The following RYR2 variants were observed in gnomAD, a reference collection of about 807,000 sequenced individuals.
RYR2 encodes the protein cardiac muscle ryanodine receptor-calcium release channel.
RYR2 carries 227 observed loss-of-function variants against 601.1 expected under a neutral mutation model. That is an observed-to-expected ratio of 0.38 (90% confidence interval 0.34 to 0.42). RYR2 has a LOEUF of 0.42. Ranked by LOEUF, RYR2 falls within the 10% of genes least tolerant of loss-of-function variation. The pLI, the probability that RYR2 is intolerant of heterozygous loss-of-function variation, is 1.00. For missense variants in RYR2, 4,646 were observed against 6,156.5 expected, an observed-to-expected ratio of 0.75 and a Z score of 8.21; for synonymous variants, 2,223 against 2,175.1, an observed-to-expected ratio of 1.02 and a Z score of -0.61.
intron 17 of RYR2, among the ~76,000 whole-genome samples, chr1:237,489,433 G>A (rs933880494): frequency 5.9e-5 from 9 of 152,146 alleles, no homozygotes; most frequent in African/African-American, 2.2e-4. Context: ...AAGGTGGGCG[G>A]ATCGCCTGAG....
At chr1:237,445,173 C>T (rs1708221099) in intron 13 of RYR2, among the ~76,000 whole-genome samples, 1 of 147,964 alleles carries the variant, frequency 6.8e-6, no homozygotes, top group Non-Finnish European at 1.5e-5. Context: ...CATAGCAAGA[C>T]CCCATCTCAA....
chr1:237,345,720 G>A (rs1294326615), intron 3 of RYR2, among the ~76,000 whole-genome samples: 1 of 151,698 alleles, frequency 6.6e-6, no homozygotes, highest in Non-Finnish European at 1.5e-5. Context: ...ATTCCTAGAG[G>A]TGGTACTCTA....
intron 56 of RYR2, among the ~76,000 whole-genome samples, chr1:237,663,443 A>C (rs1404091125): frequency 6.6e-6 from 1 of 152,116 alleles, no homozygotes; most frequent in Non-Finnish European, 1.5e-5. Context: ...GCTTTTTTTC[A>C]CTGGGGCTTA....
chr1:237,584,438 T>C (rs1674278052), intron 29 of RYR2, among the ~76,000 whole-genome samples: 1 of 152,154 alleles, frequency 6.6e-6, no homozygotes, highest in Admixed American at 6.6e-5. Context: ...TTACCTGTCT[T>C]TTGTATTCAA....
chr1:237,515,236 G>C (rs1666301206), intron 24 of RYR2, among the ~76,000 whole-genome samples: 1 of 152,116 alleles, frequency 6.6e-6, no homozygotes, highest in African/African-American at 2.4e-5. Context: ...TTCTGGTTTA[G>C]TTTTTACTAT....
intron 29 of RYR2, among the ~76,000 whole-genome samples, chr1:237,572,951 C>T (rs376253571): frequency 6.6e-6 from 1 of 152,072 alleles, no homozygotes; most frequent in Non-Finnish European, 1.5e-5. Context: ...AGCTAGAGCT[C>T]AAAGGATCCA....
At chr1:237,079,730 T>C (rs1426036635) in intron 1 of RYR2, among the ~76,000 whole-genome samples, 3 of 141,522 alleles carry the variant, frequency 2.1e-5, no homozygotes, top group Non-Finnish European at 4.4e-5. Context: ...TTCAATGCCA[T>C]CCCCATCAAG....
intron 2 of RYR2, among the ~76,000 whole-genome samples, chr1:237,293,309 C>A (rs915107030): frequency 1.3e-5 from 2 of 152,264 alleles, no homozygotes; most frequent in East Asian, 3.9e-4. Context: ...CAAGTTCAAG[C>A]GATTCTCATG....
chr1:237,797,503 T>C (rs891146554), intron 96 of RYR2, among the ~76,000 whole-genome samples: 1 of 152,182 alleles, frequency 6.6e-6, no homozygotes, highest in Non-Finnish European at 1.5e-5. Context: ...TGCCCCCTAT[T>C]GGCATGCAGA....
chr1:237,460,744 A>T (rs1659382113), intron 16 of RYR2, among the ~76,000 whole-genome samples: 1 of 152,168 alleles, frequency 6.6e-6, no homozygotes, highest in Admixed American at 6.5e-5. Flanking sequence ...CTGAACTTTC[A>T]TTCAGGCATA....
chr1:237,565,167 CTTTCTTTCTT>C lies in RYR2; in HGVS notation c.3215-1398_3215-1389del, dbSNP rs1559035574. ...TTTCTTTCTTTCTTTCTCTTTCTTT[CTTTCTTTCTT>C]TCTTTCTTTCTTTCTTTCTTTCTTT... On this transcript the variant is annotated intron_variant, in intron 27 of 104. Coordinates refer to ENST00000366574, the MANE Select transcript of RYR2 (RefSeq NM_001035.3). Among the ~76,000 whole-genome samples the C allele has an allele frequency of 1.3e-3, 27 of 20,414 alleles. 1 individual carries two copies. The highest frequency in any genetic ancestry group is 0.059 in the Middle Eastern group (2 of 34). The allele number at this position is 20,414 out of a possible 152,430, so 13.4% of individuals were successfully genotyped here.
chr1:237,791,259 G>A (rs987295186), intron 92 of RYR2, among the ~76,000 whole-genome samples, 170 bp from the exon 93 acceptor site: 2 of 152,146 alleles, frequency 1.3e-5, no homozygotes, highest in Non-Finnish European at 1.5e-5. Context: ...CCTCCATGGT[G>A]GCAGAAATGT....
Position 237,262,245 on chromosome 1 carries a change from G to GTTTTTTTTTTTTTTTTT in RYR2, c.49-8241_49-8225dup, listed in dbSNP as rs386370106. Among the ~76,000 whole-genome samples, 35 of 61,104 alleles carry GTTTTTTTTTTTTTTTTT rather than the reference G, an allele frequency of 5.7e-4. 4 individuals carry two copies. Among genetic ancestry groups the GTTTTTTTTTTTTTTTTT allele is most frequent in the East Asian group, 3.1e-3 (3 of 962 alleles). The allele number at this position is 61,104 out of a possible 152,430, so 40.1% of individuals were successfully genotyped here. On this transcript the variant is annotated intron_variant, in intron 1 of 104. Transcript: ENST00000366574. ...AAATATTAGATCTCTGTTCTAAAGA[G>GTTTTTTTTTTTTTTTTT]TTTTTTTTTTTTTTTTTTTTTTTTT... is the stretch of plus-strand genomic sequence containing the variant.
At chr1:237,760,583 ATCAT>A (rs1018624306) in intron 83 of RYR2, among the ~76,000 whole-genome samples, 11 of 152,126 alleles carry the variant, frequency 7.2e-5, no homozygotes, top group Non-Finnish European at 4.4e-5. Context: ...AAGATTTAAA[ATCAT>A]TCAGACAGCA....
At chr1:237,419,866 C>T (rs1478460404) in intron 11 of RYR2, among the ~76,000 whole-genome samples, 1 of 152,028 alleles carries the variant, frequency 6.6e-6, no homozygotes, top group Non-Finnish European at 1.5e-5. Flanking sequence ...CCCTTTCATT[C>T]TAGGAAGTTT....
chr1:237,113,405 T>C (rs1370527606), intron 1 of RYR2, among the ~76,000 whole-genome samples: 1 of 151,988 alleles, frequency 6.6e-6, no homozygotes, highest in African/African-American at 2.4e-5. Flanking sequence ...TTCACCATGT[T>C]GACCAGGCTG....
chr1:237,687,080 C>T (rs1686459925), intron 62 of RYR2, among the ~76,000 whole-genome samples: 2 of 152,060 alleles, frequency 1.3e-5, no homozygotes, highest in Non-Finnish European at 2.9e-5. Flanking sequence ...TTCAGTGGTA[C>T]ATTTGGGCAG....
At chr1:237,758,484 G>T (rs967386698) in intron 82 of RYR2, among the ~76,000 whole-genome samples, 1 of 152,066 alleles carries the variant, frequency 6.6e-6, no homozygotes, top group Admixed American at 6.6e-5. Context: ...GTCTATGTGC[G>T]TATATATGTG....
rs971566810 is a variant in RYR2, at chr1:237,106,520, A to G, written c.48+63951A>G. Among the ~76,000 whole-genome samples, 1 of 152,154 alleles carries G rather than the reference A, an allele frequency of 6.6e-6. No homozygotes were observed. The highest frequency in any genetic ancestry group is 1.5e-5 in the Non-Finnish European group (1 of 68,012). ...GCGGTCCTGGAAAGAGTGAAGATCAAGAGTTTCATTCTGGAAATGTGGGGG... is the reference window on the plus strand; with the variant it reads ...GCGGTCCTGGAAAGAGTGAAGATCAGGAGTTTCATTCTGGAAATGTGGGGG... On this transcript the variant is annotated intron_variant, in intron 1 of 104. Transcript: ENST00000366574. This position sits in a 1 kb window ranked among gnomAD's most constrained non-coding sequence, Gnocchi z 4.4.
Sources: allele counts gnomAD v4.1 joint callset (sites outside exome capture counted in the v4.1 genomes callset), GRCh38; gene constraint gnomAD v4.1.1; non-coding constraint Gnocchi (gnomAD v3.1); transcripts MANE v1.5; gene names NCBI Gene and HGNC (gene_info 2026-07-23, HGNC 2026-07-21).